The following NRIP1 variants were observed in gnomAD, a reference collection of about 807,000 sequenced individuals.
The protein encoded by NRIP1 is nuclear receptor-interacting protein 1.
A neutral mutation model predicts 75.0 loss-of-function variants in NRIP1; 28 were observed. The ratio of observed to expected loss-of-function variants is 0.37; its 90% CI spans 0.28 to 0.51. The LOEUF (loss-of-function observed/expected upper bound fraction) is 0.51, where lower values mean the gene tolerates loss of function less well. NRIP1 is among the 20% of genes least tolerant of loss of function. The pLI, the probability that NRIP1 is intolerant of heterozygous loss-of-function variation, is 0.92. For missense variants in NRIP1, 1,435 were observed against 1,343.7 expected (o/e 1.07, Z -1.06); for synonymous variants, 526 against 487.6 (o/e 1.08, Z -1.04).
chr21:15,065,636 C>T (rs1978824376), upstream of NRIP1: 1 of 152,192 alleles, frequency 6.6e-6, no homozygotes, highest in East Asian at 1.9e-4. Flanking sequence ...CGGGCGCGAA[C>T]TCTGGGTCAC....
At position 14,967,949 on chromosome 21, in the gene NRIP1, T is replaced by C; in HGVS notation, c.244A>G (p.Lys82Glu). The C allele has an allele frequency of 6.2e-7, 1 of 1,614,126 alleles. No homozygotes were observed. The highest frequency in any genetic ancestry group is 2.2e-5 in the East Asian group (1 of 44,868). Residue 82 changes from lysine to glutamate, a missense_variant, in exon 4 of 4, where the codon AAA becomes GAA. Lys to Glu is a moderately conservative substitution (Grantham distance 56). Coordinates refer to ENST00000318948, the MANE Select transcript of NRIP1 (RefSeq NM_003489.4). ...TYQGSGMLHL[K>E]KARLLQSSED... Reference sequence around the variant, plus strand: ...GAAGACTGCAACAGTCTGGCTTTTTTGAGGTGCAGCATGCCAGACCCCTGA... The same window carrying C: ...GAAGACTGCAACAGTCTGGCTTTTTCGAGGTGCAGCATGCCAGACCCCTGA...
At chr21:14,974,580 G>A (rs9789848) in intron 3 of NRIP1, among the ~76,000 whole-genome samples, 3 of 152,006 alleles carry the variant, frequency 2.0e-5, no homozygotes, top group African/African-American at 4.8e-5. Flanking sequence ...CTTACGAACA[G>A]TGTCAAATAA....
At chr21:15,054,730 G>A (rs1383913749) in intron 1 of NRIP1, among the ~76,000 whole-genome samples, 2 of 152,200 alleles carry the variant, frequency 1.3e-5, no homozygotes, top group African/African-American at 4.8e-5. Flanking sequence ...GACTGGTACA[G>A]TTCAATTTAA....
At chr21:15,033,331 A>G (rs1296754087) in intron 2 of NRIP1, among the ~76,000 whole-genome samples, 1 of 151,812 alleles carries the variant, frequency 6.6e-6, no homozygotes, top group Non-Finnish European at 1.5e-5. Context: ...CTATGAATTT[A>G]TTTCCATTTT....
At chr21:14,982,404 T>C (rs1432106293) in intron 3 of NRIP1, among the ~76,000 whole-genome samples, 1 of 152,124 alleles carries the variant, frequency 6.6e-6, no homozygotes, top group Non-Finnish European at 1.5e-5. Flanking sequence ...ACCATCCTCA[T>C]CTTTTGAGGA....
intron 3 of NRIP1, among the ~76,000 whole-genome samples, chr21:14,972,477 T>C (rs2086929845): frequency 6.6e-6 from 1 of 152,176 alleles, no homozygotes; most frequent in African/African-American, 2.4e-5. Context: ...TTATTCAATA[T>C]TAGCTTAACT....
intron 3 of NRIP1, among the ~76,000 whole-genome samples, chr21:15,005,962 A>G (rs914210759): frequency 5.3e-5 from 8 of 152,210 alleles, no homozygotes; most frequent in Non-Finnish European, 1.0e-4. Context: ...TCAGATTTGT[A>G]GCACAGTCAC....
chr21:15,061,791 A>T (rs1030189320), intron 1 of NRIP1, among the ~76,000 whole-genome samples: 7 of 152,286 alleles, frequency 4.6e-5, no homozygotes, highest in Non-Finnish European at 8.8e-5. Flanking sequence ...ATATATCCTA[A>T]GCCACTCTGA....
rs1050519683 is a variant in NRIP1 at position 15,037,453 on chromosome 21, C to T, written c.-458+6042G>A. On this transcript the variant is annotated intron_variant, in intron 2 of 3. Coordinates refer to ENST00000318948, the MANE Select transcript of NRIP1 (RefSeq NM_003489.4). ...GCATCAAGTTGAGTGCTTTGTAAGT[C>T]ACAAATTTATAAAAGATACAACCCC... Among the ~76,000 whole-genome samples the T allele has an allele frequency of 2.6e-5, 4 of 152,214 alleles. No homozygotes were observed. The South Asian group carries it at 6.2e-4, about 24-fold the overall frequency.
intron 2 of NRIP1, among the ~76,000 whole-genome samples, chr21:15,024,272 A>G (rs931978555): frequency 2.2e-4 from 33 of 152,156 alleles, no homozygotes; most frequent in African/African-American, 8.0e-4. Context: ...GGTTGGTGTG[A>G]TGGCTCACGC....
rs1273141093 is a variant in NRIP1 at position 14,968,114 on chromosome 21, G to A, written c.79C>T (p.His27Tyr). 2 of 1,614,054 alleles carry A rather than the reference G, an allele frequency of 1.2e-6. No homozygotes were observed. The highest frequency in any genetic ancestry group is 1.7e-6 in the Non-Finnish European group (2 of 1,180,000). The change falls in exon 4 of 4, where the codon CAT (histidine) becomes TAT (tyrosine). Residue 27 changes from histidine to tyrosine, a missense_variant. Coordinates refer to ENST00000318948, the MANE Select transcript of NRIP1 (RefSeq NM_003489.4). ...VLTYLEGLLMHQAAGGSGTAV... is the reference protein window; with the variant it reads ...VLTYLEGLLMYQAAGGSGTAV... ...GTACCTGATCCCCCTGCTGCCTGATGCATTAGTAATCCTTCTAGGTAAGTT... is the reference window on the plus strand; with the variant it reads ...GTACCTGATCCCCCTGCTGCCTGATACATTAGTAATCCTTCTAGGTAAGTT...
chr21:14,994,068 T>G (rs2823000), intron 3 of NRIP1, among the ~76,000 whole-genome samples: 55,875 of 151,924 alleles, frequency 0.37, 10,744 homozygotes, highest in Non-Finnish European at 0.43. Flanking sequence ...GCGTATTGAT[T>G]CCTCTATCCT....
intron 2 of NRIP1, among the ~76,000 whole-genome samples, chr21:15,015,050 T>C (rs375903688): frequency 1.3e-5 from 2 of 152,174 alleles, no homozygotes; most frequent in African/African-American, 4.8e-5. Context: ...AATCATATGG[T>C]ATATCCATAC....
At chr21:14,988,736 G>A (rs2822994) in intron 3 of NRIP1, among the ~76,000 whole-genome samples, 23,649 of 152,000 alleles carry the variant, frequency 0.16, 2,005 homozygotes, top group East Asian at 0.32. Context: ...CAGGAGAATG[G>A]AACAACACTG....
In NRIP1 at chr21:14,965,058, A is replaced by G; in HGVS notation, c.3135T>C (p.Val1045=). ...ACTCATTCTTCTCCGCATCAGTGAT[A>G]ACCCACTTAATGGGTCCTTTCTCAC... ...MPSEKGPIKW[V]ITDAEKNEYE... is the part of the protein sequence containing the mutation. Residue 1045 remains valine (V), a synonymous_variant, in exon 4 of 4, where the codon GTT becomes GTC. Transcript: ENST00000318948. 1 of 1,613,898 alleles carries G rather than the reference A, an allele frequency of 6.2e-7. No individual in the cohort carries two copies. The highest frequency in any genetic ancestry group is 2.2e-5 in the East Asian group (1 of 44,874).
At chr21:15,002,813 T>C (rs2087879138) in intron 3 of NRIP1, among the ~76,000 whole-genome samples, 1 of 152,336 alleles carries the variant, frequency 6.6e-6, no homozygotes, top group South Asian at 2.1e-4. Context: ...CTTCAGATTT[T>C]ACACTTAAAA....
chr21:15,038,802 C>A (rs929010982), intron 2 of NRIP1, among the ~76,000 whole-genome samples: 1 of 152,016 alleles, frequency 6.6e-6, no homozygotes, highest in Admixed American at 6.6e-5. Flanking sequence ...AAATGTGTAT[C>A]TTCTCCATGC....
At position 14,963,722 on chromosome 21, in the gene NRIP1, T is replaced by C. The variant is rs1054196837; in HGVS notation, c.*994A>G. On this transcript the variant is annotated 3_prime_UTR_variant, in exon 4 of 4. Coordinates refer to ENST00000318948, the MANE Select transcript of NRIP1 (RefSeq NM_003489.4). ...TGTTCTGTAGATCTGAGATGCTGCCTATGAATCTGCATTTTAAAACAAGTG... is the reference window on the plus strand; with the variant it reads ...TGTTCTGTAGATCTGAGATGCTGCCCATGAATCTGCATTTTAAAACAAGTG... The C allele has an allele frequency of 2.0e-5, 3 of 152,070 alleles. No individual in the cohort carries two copies. In the East Asian group the frequency reaches 5.8e-4, roughly 29 times the overall value. 9.4% of individuals were successfully genotyped at this position (152,070 alleles called of 1,614,324 possible). A position where few individuals can be genotyped will look rare whatever the true frequency, so the allele number is the denominator to read the frequency against.
At position 14,962,015 on chromosome 21, in the gene NRIP1, T is replaced by TTATATATATA. The variant is rs58275735; in HGVS notation, c.*2691_*2700dup. ...AAGTCAATATATATATATATACATA[T>TTATATATATA]TATATATATATATATATATATATAT... On this transcript the variant is annotated 3_prime_UTR_variant, in exon 4 of 4. Coordinates refer to ENST00000318948, the MANE Select transcript of NRIP1 (RefSeq NM_003489.4). 1.4e-5 allele frequency: 2 copies of TTATATATATA among 140,512 alleles called. No homozygotes were observed. The highest frequency in any genetic ancestry group is 2.2e-4 in the South Asian group (1 of 4,474). 8.7% of individuals were successfully genotyped at this position (140,512 alleles called of 1,614,324 possible).
Sources: gnomAD v4.1 joint callset for allele counts (sites outside exome capture counted in the v4.1 genomes callset) on GRCh38, gnomAD v4.1.1 for gene constraint, MANE v1.5 for transcripts, NCBI Gene and HGNC (gene_info 2026-07-23, HGNC 2026-07-21) for gene names.